Variants in KCNQ1 observed in about 807,000 individuals in gnomAD.
KCNQ1 encodes potassium voltage-gated channel subfamily KQT member 1.
In KCNQ1, 49 loss-of-function variants were observed where a neutral mutation model predicts 72.4. The observed-to-expected ratio is 0.68, with a 90% CI of 0.54 to 0.86. The LOEUF is 0.86. KCNQ1 is among the 40% of genes least tolerant of loss of function. The probability of loss-of-function intolerance (pLI) is 0.00; values close to 1 mark genes in which losing one functional copy is unlikely to be tolerated. For missense variants in KCNQ1, 790 were observed against 945.1 expected, an observed-to-expected ratio of 0.84 and a Z score of 2.15; for synonymous variants, 450 against 412.6, an observed-to-expected ratio of 1.09 and a Z score of -1.10.
chr11:2,482,956 G>T lies in KCNQ1; in HGVS notation c.386+37472G>T, dbSNP rs1016672216. On this transcript the variant is annotated intron_variant, in intron 1 of 15. Coordinates refer to ENST00000155840, the MANE Select transcript of KCNQ1 (RefSeq NM_000218.3). The surrounding 1 kb of genome is among the most constrained non-coding windows in gnomAD (Gnocchi z 5.7). ...GGCATGGCGTGGTAATGCATGGTGC[G>T]TGTCTCTTAGCAGTAAGACCTTGAG... 6.6e-6 allele frequency among the ~76,000 whole-genome samples: 1 copy of T among 152,146 alleles called. No individual in the cohort carries two copies. The highest frequency in any genetic ancestry group is 1.5e-5 in the Non-Finnish European group (1 of 68,034).
At position 2,654,038 on chromosome 11, in the gene KCNQ1, T is replaced by G. The variant is rs1849798369; in HGVS notation, c.1394-7923T>G. 2.5e-6 allele frequency: 1 copy of G among 398,586 alleles called. No homozygotes were observed. Among genetic ancestry groups the G allele is most frequent in the Non-Finnish European group, 4.4e-6 (1 of 226,120 alleles). 24.7% of individuals were successfully genotyped at this position (398,586 alleles called of 1,614,324 possible). A position where few individuals can be genotyped will look rare whatever the true frequency, so the allele number is the denominator to read the frequency against. ...ATTTTCACTCCATTCCTCGCCTTGT[T>G]CCTGGCAGCTGTTGTGGGAATGGCT... On this transcript the variant is annotated intron_variant, in intron 10 of 15. Coordinates refer to ENST00000155840, the MANE Select transcript of KCNQ1 (RefSeq NM_000218.3). This position sits in a 1 kb window ranked among gnomAD's most constrained non-coding sequence, Gnocchi z 6.4.
intron 10 of KCNQ1, chr11:2,622,706 G>T (rs1428656427): frequency 1.3e-5 from 5 of 398,392 alleles, no homozygotes; most frequent in Admixed American, 4.4e-5. Flanking sequence ...ATGTGTGTAT[G>T]TGTATTTTAA....
intron 11 of KCNQ1, among the ~76,000 whole-genome samples, chr11:2,702,608 A>G (rs896148424): frequency 6.6e-5 from 10 of 152,174 alleles, no homozygotes; most frequent in Non-Finnish European, 1.3e-4. Flanking sequence ...ATTCATTTAT[A>G]TAGATTTTCA....
chr11:2,458,108 G>A lies in KCNQ1; in HGVS notation c.386+12624G>A, dbSNP rs555471430. Among the ~76,000 whole-genome samples, 1 of 152,232 alleles carries A rather than the reference G, an allele frequency of 6.6e-6. No individual in the cohort carries two copies. The highest frequency in any genetic ancestry group is 2.1e-4 in the South Asian group (1 of 4,822). ...GAGTATTCATCACAGCAGAAGGCAG[G>A]GAAGTTATCAGAGGCCCCCTAGGGC... On this transcript the variant is annotated intron_variant, in intron 1 of 15. Coordinates refer to ENST00000155840, the MANE Select transcript of KCNQ1 (RefSeq NM_000218.3). This position sits in a 1 kb window ranked among gnomAD's most constrained non-coding sequence, Gnocchi z 4.6.
intron 1 of KCNQ1, among the ~76,000 whole-genome samples, chr11:2,448,816 C>T (rs1846080531): frequency 6.6e-6 from 1 of 152,266 alleles, no homozygotes; most frequent in Non-Finnish European, 1.5e-5. Flanking sequence ...CCCTCACCTA[C>T]ATCGCAGACC....
rs72636999 is a variant in KCNQ1 at position 2,508,560 on chromosome 11, C to A, written c.387-19368C>A. 0.19 allele frequency among the ~76,000 whole-genome samples: 29,483 copies of A among 151,824 alleles called. 3,266 individuals are homozygous for A. Among genetic ancestry groups the A allele is most frequent in the East Asian group, 0.46 (2,358 of 5,104 alleles). Reference sequence around the variant, plus strand: ...CACCTGAGAGGTTTCGGGGCAGGGTCCCAGCCTCCATGTACGGGGCTGGGA... The same window carrying A: ...CACCTGAGAGGTTTCGGGGCAGGGTACCAGCCTCCATGTACGGGGCTGGGA... On this transcript the variant is annotated intron_variant, in intron 1 of 15. Coordinates refer to ENST00000155840, the MANE Select transcript of KCNQ1 (RefSeq NM_000218.3). This position sits in a 1 kb window ranked among gnomAD's most constrained non-coding sequence, Gnocchi z 6.2.
At chr11:2,797,053 G>A (rs1347358593) in intron 15 of KCNQ1, among the ~76,000 whole-genome samples, 1 of 152,218 alleles carries the variant, frequency 6.6e-6, no homozygotes, top group Non-Finnish European at 1.5e-5. Context: ...CGTCCCCACG[G>A]GGCCACAACG....
chr11:2,553,073 C>T (rs1339293993), intron 2 of KCNQ1, among the ~76,000 whole-genome samples: 1 of 151,268 alleles, frequency 6.6e-6, no homozygotes, highest in Non-Finnish European at 1.5e-5. Context: ...TTGATTTGTT[C>T]GTATATTAAC....
chr11:2,471,245 C>T lies in KCNQ1; in HGVS notation c.386+25761C>T, dbSNP rs919345667. ...CCAACTGGTGTGGCTTCAGGGTCCCCAACTTTTCAGACCCCACCTCTGTGT... is the reference window on the plus strand; with the variant it reads ...CCAACTGGTGTGGCTTCAGGGTCCCTAACTTTTCAGACCCCACCTCTGTGT... On this transcript the variant is annotated intron_variant, in intron 1 of 15. Transcript: ENST00000155840. This position sits in a 1 kb window ranked among gnomAD's most constrained non-coding sequence, Gnocchi z 4.8. Among the ~76,000 whole-genome samples the T allele has an allele frequency of 2.1e-4, 32 of 152,124 alleles. No homozygotes were observed. The highest frequency in any genetic ancestry group is 7.2e-4 in the African/African-American group (30 of 41,412).
intron 10 of KCNQ1, chr11:2,649,956 A>G (rs1263395092): frequency 2.5e-6 from 1 of 398,490 alleles, no homozygotes. Flanking sequence ...AGTGTCTCAT[A>G]TGTCACGCAG....
At chr11:2,476,253 G>T (rs560621942) in intron 1 of KCNQ1, among the ~76,000 whole-genome samples, 1 of 152,090 alleles carries the variant, frequency 6.6e-6, no homozygotes, top group African/African-American at 2.4e-5. Flanking sequence ...AACCTATGCT[G>T]GATATCTCTG....
At chr11:2,454,103 G>T (rs1446227283) in intron 1 of KCNQ1, among the ~76,000 whole-genome samples, 1 of 151,730 alleles carries the variant, frequency 6.6e-6, no homozygotes, top group African/African-American at 2.4e-5. Context: ...AAAGCACAGT[G>T]AATAAAAATA....
chr11:2,848,865 T>C lies in KCNQ1; in HGVS notation c.*862T>C, dbSNP rs1178438660. 1 of 454,068 alleles carries C rather than the reference T, an allele frequency of 2.2e-6. No homozygotes were observed. Among genetic ancestry groups the C allele is most frequent in the Non-Finnish European group, 4.4e-6 (1 of 226,810 alleles). The allele number at this position is 454,068 out of a possible 1,614,324, so 28.1% of individuals were successfully genotyped here. On this transcript the variant is annotated 3_prime_UTR_variant, in exon 16 of 16. Transcript: ENST00000155840. ...GGTTCCTACACAGGACAGGGGTTCC[T>C]TCTGGGCATTACATCGCATAGAAAT...
intron 2 of KCNQ1, among the ~76,000 whole-genome samples, chr11:2,551,468 A>G (rs1334084065): frequency 6.6e-6 from 1 of 152,260 alleles, no homozygotes; most frequent in Non-Finnish European, 1.5e-5. Flanking sequence ...TGGAAAGGAT[A>G]AAATGTACCA....
At position 2,508,436 on chromosome 11, in the gene KCNQ1, C is replaced by T. The variant is rs533184033; in HGVS notation, c.387-19492C>T. ...GCACCTCAGGTCAGGACACAGCTCC[C>T]GAGGCCTGGCTGCTCTGCATGGGGA... is the stretch of plus-strand genomic sequence containing the variant. On this transcript the variant is annotated intron_variant, in intron 1 of 15. Transcript: ENST00000155840. The surrounding 1 kb of genome is among the most constrained non-coding windows in gnomAD (Gnocchi z 6.2). Among the ~76,000 whole-genome samples the T allele has an allele frequency of 1.6e-4, 24 of 152,136 alleles. No homozygotes were observed. Among genetic ancestry groups the T allele is most frequent in the Non-Finnish European group, 2.4e-4 (16 of 67,996 alleles).
intron 10 of KCNQ1, among the ~76,000 whole-genome samples, chr11:2,596,647 A>C (rs1024595952): frequency 6.6e-6 from 1 of 151,958 alleles, no homozygotes; most frequent in African/African-American, 2.4e-5. Context: ...AATGACCACT[A>C]ATATAGAGTG....
At position 2,848,674 on chromosome 11, in the gene KCNQ1, A is replaced by T. The variant is rs747029163; in HGVS notation, c.*671A>T. 6.7e-6 allele frequency: 3 copies of T among 450,300 alleles called. No homozygotes were observed. The highest frequency in any genetic ancestry group is 1.3e-5 in the Non-Finnish European group (3 of 223,686). 27.9% of individuals were successfully genotyped at this position (450,300 alleles called of 1,614,324 possible). On this transcript the variant is annotated 3_prime_UTR_variant, in exon 16 of 16. Transcript: ENST00000155840. ...GGGAACGCCCACTTCCCTGGGTTAGACTGCCAGCTCTTCCTAGCTGGAGAG... is the reference window on the plus strand; with the variant it reads ...GGGAACGCCCACTTCCCTGGGTTAGTCTGCCAGCTCTTCCTAGCTGGAGAG...
At chr11:2,662,153 G>A (rs906180105) in intron 11 of KCNQ1, 72 bp downstream of exon 11, 1 of 1,602,028 alleles carries the variant, frequency 6.2e-7, no homozygotes, top group Non-Finnish European at 8.5e-7. Flanking sequence ...CTTGGTGCTG[G>A]GGAAGCCTTG....
intron 15 of KCNQ1, among the ~76,000 whole-genome samples, chr11:2,806,404 C>T (rs2134032891): frequency 6.6e-6 from 1 of 152,336 alleles, no homozygotes; most frequent in Non-Finnish European, 1.5e-5. Flanking sequence ...CCCAGCCTGC[C>T]TGGGGCCACA....
Sources: allele counts gnomAD v4.1 joint callset (sites outside exome capture counted in the v4.1 genomes callset), GRCh38; gene constraint gnomAD v4.1.1; non-coding constraint Gnocchi (gnomAD v3.1); transcripts MANE v1.5; gene names NCBI Gene and HGNC (gene_info 2026-07-23, HGNC 2026-07-21).